Variants in C1orf56 observed in about 807,000 individuals in gnomAD.
C1orf56 encodes chromosome 1 open reading frame 56.
Under a neutral mutation model 20.7 loss-of-function variants are expected in C1orf56, and 14 were observed. The ratio of observed to expected loss-of-function variants is 0.68; its 90% CI spans 0.45 to 1.06. C1orf56 has a LOEUF of 1.06. C1orf56 is among the 50% of genes least tolerant of loss of function. The pLI is 0.00. For synonymous variants in C1orf56, 187 were observed against 194.7 expected (o/e 0.96, Z 0.33); for missense variants, 424 against 451.4 (o/e 0.94, Z 0.55).
At chr1:151,050,387 T>C in intron 1 of C1orf56, 51 bp from the exon 2 acceptor site, 1 of 1,574,024 alleles carries the variant, frequency 6.4e-7, no homozygotes, top group Non-Finnish European at 8.7e-7. Flanking sequence ...GGGAAAAGAA[T>C]ATAGATGTGG....
chr1:151,050,060 A>G (rs1676144899), intron 1 of C1orf56, among the ~76,000 whole-genome samples: 1 of 152,198 alleles, frequency 6.6e-6, no homozygotes, highest in African/African-American at 2.4e-5. Flanking sequence ...CGAGATTTAA[A>G]CCAGGTTTGA....
At position 151,050,439 on chromosome 1, in the gene C1orf56, TAGAC is replaced by T. The variant is rs761252339; in HGVS notation, c.1011_1014del (p.Asp337GlufsTer29). The T allele has an allele frequency of 5.8e-5, 93 of 1,609,100 alleles. No individual in the cohort carries two copies. The highest frequency in any genetic ancestry group is 8.9e-5 in the East Asian group (4 of 44,750). On this transcript the variant is annotated frameshift_variant and splice_region_variant, in exon 2 of 2. Coordinates refer to ENST00000368926, the MANE Select transcript of C1orf56 (RefSeq NM_017860.5). LOFTEE classifies it high-confidence loss of function. The stretch of plus-strand genomic sequence containing the variant: ...TCTCTATTTTTTTTTCTTACGCAGA[TAGAC>T]AGAAACCAGAGGTAATGGCCACTTC...
chr1:151,050,457 A>G lies in C1orf56; in HGVS notation c.1025A>G (p.Ter342=), dbSNP rs1373173400. The G allele has an allele frequency of 1.9e-6, 3 of 1,610,544 alleles. No homozygotes were observed. Among genetic ancestry groups the G allele is most frequent in the African/African-American group, 2.7e-5 (2 of 74,694 alleles). Residue 342 remains the stop codon, a stop_retained_variant, in exon 2 of 2, where the codon TAA becomes TGA. Transcript: ENST00000368926. ...ACGCAGATAGACAGAAACCAGAGGT[A>G]ATGGCCACTTCATCCACATGAGGAG... ...EMQPIDRNQR[*]
In C1orf56 at chr1:151,048,615, C is replaced by A. The variant is rs776850793; in HGVS notation, c.768C>A (p.Asn256Lys). Residue 256 changes from asparagine to lysine, a missense_variant, in exon 1 of 2, where the codon AAC (asparagine) becomes AAA (lysine). By Grantham distance (94) the Asn-to-Lys change is moderately conservative. Coordinates refer to ENST00000368926, the MANE Select transcript of C1orf56 (RefSeq NM_017860.5). The surrounding 1 kb of genome is among the most constrained non-coding windows in gnomAD (Gnocchi z 4.8). Reference sequence around the variant, plus strand: ...GCACCTATCAACAATGTCCCTGCAACCGACTTCGGGAAGAGTGCCCCCTGG... The same window carrying A: ...GCACCTATCAACAATGTCCCTGCAAACGACTTCGGGAAGAGTGCCCCCTGG... ...KPCTYQQCPC[N>K]RLREECPLDT... The A allele has an allele frequency of 1.9e-6, 3 of 1,614,266 alleles. No individual in the cohort carries two copies. In the Admixed American group the frequency reaches 5.0e-5, roughly 27 times the overall value.
rs1676156566 is a variant in C1orf56 at position 151,050,578 on chromosome 1, C to T, written c.*120C>T. ...AAAACTGGAAAACACATTGTTTGGTCTTGTGTTTCTTTACAGAGGTACCTG... is the reference window on the plus strand; with the variant it reads ...AAAACTGGAAAACACATTGTTTGGTTTTGTGTTTCTTTACAGAGGTACCTG... On this transcript the variant is annotated 3_prime_UTR_variant, in exon 2 of 2. Transcript: ENST00000368926. 6 of 1,002,570 alleles carry T rather than the reference C, an allele frequency of 6.0e-6. No homozygotes were observed. The African/African-American group carries it at 6.6e-5, about 11-fold the overall frequency. The allele number at this position is 1,002,570 out of a possible 1,614,324, so 62.1% of individuals were successfully genotyped here.
In C1orf56 at chr1:151,048,033, A is replaced by G. The variant is rs774182185; in HGVS notation, c.186A>G (p.Ile62Met). The G allele has an allele frequency of 2.5e-6, 4 of 1,614,118 alleles. No individual in the cohort carries two copies. In the East Asian group the frequency reaches 8.9e-5, roughly 36 times the overall value. Reference sequence around the variant, plus strand: ...CTGGTCTTCCCCGGAAGACAAGGATAATCCTAGAGGACGAGAATGATGCCA... The same window carrying G: ...CTGGTCTTCCCCGGAAGACAAGGATGATCCTAGAGGACGAGAATGATGCCA... The part of the protein sequence containing the change: ...ARTGLPRKTR[I>M]ILEDENDAMA... The change falls in exon 1 of 2, where the codon ATA (isoleucine) becomes ATG (methionine). Residue 62 changes from isoleucine (I) to methionine (M), a missense_variant. Transcript: ENST00000368926. This position sits in a 1 kb window ranked among gnomAD's most constrained non-coding sequence, Gnocchi z 4.8.
rs1380488698 is a variant in C1orf56, at chr1:151,048,296, T to C, written c.449T>C (p.Leu150Pro). 3.7e-6 allele frequency: 6 copies of C among 1,614,090 alleles called. No homozygotes were observed. Among genetic ancestry groups the C allele is most frequent in the Non-Finnish European group, 5.1e-6 (6 of 1,180,044 alleles). Residue 150 changes from leucine (L) to proline (P), a missense_variant, in exon 1 of 2, where the codon CTG (leucine) becomes CCG (proline). Physicochemically the swap from Leu to Pro is moderately conservative, Grantham distance 98 (BLOSUM62 -3). Transcript: ENST00000368926. The surrounding 1 kb of genome is among the most constrained non-coding windows in gnomAD (Gnocchi z 4.8). The stretch of plus-strand genomic sequence containing the variant: ...AATAGTCAGGAGCCTGAAATCAGGC[T>C]GACTTCAAGCCTGCCGCGCTCCCCC... ...IANSQEPEIRLTSSLPRSPGR... is the reference protein window; with the variant it reads ...IANSQEPEIRPTSSLPRSPGR...
At position 151,048,704 on chromosome 1, in the gene C1orf56, C is replaced by T; in HGVS notation, c.857C>T (p.Thr286Ile). ...AGCACCACCAGTACCAGGACCACCA[C>T]TACCCCCTTCCCCACCATCCACCTC... is the stretch of plus-strand genomic sequence containing the variant. ...SQSTTSTRTTTTPFPTIHLRS... is the reference protein window; with the variant it reads ...SQSTTSTRTTITPFPTIHLRS... Residue 286 changes from threonine (T) to isoleucine (I), a missense_variant, in exon 1 of 2, where the codon ACT (threonine) becomes ATT (isoleucine). Coordinates refer to ENST00000368926, the MANE Select transcript of C1orf56 (RefSeq NM_017860.5). The surrounding 1 kb of genome is among the most constrained non-coding windows in gnomAD (Gnocchi z 4.8). 5 of 1,611,466 alleles carry T rather than the reference C, an allele frequency of 3.1e-6. No individual in the cohort carries two copies. The highest frequency in any genetic ancestry group is 4.2e-6 in the Non-Finnish European group (5 of 1,178,592).
rs1676169972 is a variant in C1orf56 at position 151,051,190 on chromosome 1, A to G, written c.*732A>G. On this transcript the variant is annotated 3_prime_UTR_variant, in exon 2 of 2. Coordinates refer to ENST00000368926, the MANE Select transcript of C1orf56 (RefSeq NM_017860.5). ...AATGAGGCCGAAGATCACGGTGACC[A>G]GAGATTTCTAGGAGTCTCTAACCTT... 6.6e-6 allele frequency: 1 copy of G among 151,920 alleles called. No individual in the cohort carries two copies. The highest frequency in any genetic ancestry group is 1.5e-5 in the Non-Finnish European group (1 of 68,000). The allele number at this position is 151,920 out of a possible 1,614,324, so 9.4% of individuals were successfully genotyped here. A position where few individuals can be genotyped will look rare whatever the true frequency, so the allele number is the denominator to read the frequency against.
In C1orf56 at chr1:151,048,428, C is replaced by T; in HGVS notation, c.581C>T (p.Pro194Leu). The T allele has an allele frequency of 6.2e-7, 1 of 1,610,070 alleles. No individual in the cohort carries two copies. Among genetic ancestry groups the T allele is most frequent in the Non-Finnish European group, 8.5e-7 (1 of 1,179,984 alleles). Residue 194 changes from proline (P) to leucine (L), a missense_variant, in exon 1 of 2, where the codon CCA becomes CTA. By Grantham distance (98) the Pro-to-Leu change is moderately conservative. Coordinates refer to ENST00000368926, the MANE Select transcript of C1orf56 (RefSeq NM_017860.5). The surrounding 1 kb of genome is among the most constrained non-coding windows in gnomAD (Gnocchi z 4.8). The part of the protein sequence containing the change: ...RWPSPSPTAM[P>L]SPEDLRLVLM... ...CCGTCACCCTCACCCACAGCCATGC[C>T]ATCTCCTGAGGATCTGCGGCTGGTG...
At position 151,047,770 on chromosome 1, in the gene C1orf56, C is replaced by T. The variant is rs1202680004; in HGVS notation, c.-78C>T. ...CGGTTCAAACGACCCGGTGGGTCTA[C>T]AGCGGAAGGGAGGGAGCGAAGGTAG... On this transcript the variant is annotated 5_prime_UTR_variant, in exon 1 of 2. Coordinates refer to ENST00000368926, the MANE Select transcript of C1orf56 (RefSeq NM_017860.5). The T allele has an allele frequency of 7.0e-7, 1 of 1,438,772 alleles. No individual in the cohort carries two copies. Among genetic ancestry groups the T allele is most frequent in the African/African-American group, 1.4e-5 (1 of 69,844 alleles). The allele number at this position is 1,438,772 out of a possible 1,614,324, so 89.1% of individuals were successfully genotyped here.
Position 151,051,024 on chromosome 1 carries a change from T to TC in C1orf56, c.*568dup, listed in dbSNP as rs1676166126. 1 of 152,180 alleles carries TC rather than the reference T, an allele frequency of 6.6e-6. No homozygotes were observed. Among genetic ancestry groups the TC allele is most frequent in the East Asian group, 1.9e-4 (1 of 5,200 alleles). 9.4% of individuals were successfully genotyped at this position (152,180 alleles called of 1,614,324 possible). A position where few individuals can be genotyped will look rare whatever the true frequency, so the allele number is the denominator to read the frequency against. ...TTATTTGAAAAAATGTATTTAAAAG[T>TC]CCAACAACTTTTTAATATAAATTAC... On this transcript the variant is annotated 3_prime_UTR_variant, in exon 2 of 2. Coordinates refer to ENST00000368926, the MANE Select transcript of C1orf56 (RefSeq NM_017860.5).
rs762833017 is a variant in C1orf56, at chr1:151,048,272, A to G, written c.425A>G (p.Asn142Ser). The G allele has an allele frequency of 6.8e-6, 11 of 1,614,104 alleles. No homozygotes were observed. The African/African-American group carries it at 1.1e-4, about 16-fold the overall frequency. Residue 142 changes from asparagine (N) to serine (S), a missense_variant, in exon 1 of 2, where the codon AAT becomes AGT. By Grantham distance (46) the Asn-to-Ser change is conservative (BLOSUM62 1). Coordinates refer to ENST00000368926, the MANE Select transcript of C1orf56 (RefSeq NM_017860.5). This position sits in a 1 kb window ranked among gnomAD's most constrained non-coding sequence, Gnocchi z 4.8. ...AGSSSTRFIA[N>S]SQEPEIRLTS... ...AGTTCCAGCACGAGGTTTATAGCCA[A>G]TAGTCAGGAGCCTGAAATCAGGCTG...
In C1orf56 at chr1:151,048,087, A is replaced by G. The variant is rs778646524; in HGVS notation, c.240A>G (p.Pro80=). 17 of 1,613,066 alleles carry G rather than the reference A, an allele frequency of 1.1e-5. No individual in the cohort carries two copies. Among genetic ancestry groups the G allele is most frequent in the Non-Finnish European group, 1.4e-5 (17 of 1,179,938 alleles). Residue 80 remains proline, a synonymous_variant, in exon 1 of 2, where the codon CCA becomes CCG. Transcript: ENST00000368926. The surrounding 1 kb of genome is among the most constrained non-coding windows in gnomAD (Gnocchi z 4.8). ...CCGACGCCGACCGCCTGGCTGGACC[A>G]GCGGCTGCCGAGCTCTTGGCCGCCA... The part of the protein sequence containing the change: ...AMADADRLAG[P]AAAELLAATV...
chr1:151,048,857 G>C lies in C1orf56; in HGVS notation c.1005+5G>C, dbSNP rs1440454584. 6.5e-7 allele frequency: 1 copy of C among 1,534,356 alleles called. No homozygotes were observed. Among genetic ancestry groups the C allele is most frequent in the Non-Finnish European group, 8.8e-7 (1 of 1,139,568 alleles). The stretch of plus-strand genomic sequence containing the variant: ...GTGTTCACAGAGATGCAACCAGTAA[G>C]TGTTTGGTGATGAGCCAGGGTCTTT... On this transcript the variant is annotated splice_donor_5th_base_variant and intron_variant, in intron 1 of 1. Coordinates refer to ENST00000368926, the MANE Select transcript of C1orf56 (RefSeq NM_017860.5). This position sits in a 1 kb window ranked among gnomAD's most constrained non-coding sequence, Gnocchi z 4.8.
At position 151,048,839 on chromosome 1, in the gene C1orf56, C is replaced by A; in HGVS notation, c.992C>A (p.Thr331Lys). The A allele has an allele frequency of 6.4e-7, 1 of 1,559,050 alleles. No individual in the cohort carries two copies. The highest frequency in any genetic ancestry group is 8.7e-7 in the Non-Finnish European group (1 of 1,151,628). ...TGGAATAGCCTCTCTTCAGTGTTCA[C>A]AGAGATGCAACCAGTAAGTGTTTGG... is the stretch of plus-strand genomic sequence containing the variant. ...DIWNSLSSVF[T>K]EMQPIDRNQR is the part of the protein sequence containing the mutation. Residue 331 changes from threonine to lysine, a missense_variant, in exon 1 of 2, where the codon ACA becomes AAA. Thr to Lys is a moderately conservative substitution (Grantham distance 78, BLOSUM62 -1). Coordinates refer to ENST00000368926, the MANE Select transcript of C1orf56 (RefSeq NM_017860.5). The surrounding 1 kb of genome is among the most constrained non-coding windows in gnomAD (Gnocchi z 4.8).
intron 1 of C1orf56, 45 bp from the exon 2 acceptor site, chr1:151,050,393 T>C (rs751503331): frequency 6.9e-6 from 11 of 1,584,292 alleles, no homozygotes; most frequent in Non-Finnish European, 9.5e-6. Context: ...AGAATATAGA[T>C]GTGGTTGTAA....
Position 151,048,273 on chromosome 1 carries a change from T to A in C1orf56, c.426T>A (p.Asn142Lys). The change falls in exon 1 of 2, where the codon AAT (asparagine) becomes AAA (lysine). Residue 142 changes from asparagine to lysine, a missense_variant. Asn to Lys is a moderately conservative substitution (Grantham distance 94, BLOSUM62 0). Transcript: ENST00000368926. This position sits in a 1 kb window ranked among gnomAD's most constrained non-coding sequence, Gnocchi z 4.8. Reference protein sequence around the residue: ...AGSSSTRFIANSQEPEIRLTS... With the variant: ...AGSSSTRFIAKSQEPEIRLTS... ...GTTCCAGCACGAGGTTTATAGCCAA[T>A]AGTCAGGAGCCTGAAATCAGGCTGA... 6.2e-7 allele frequency: 1 copy of A among 1,614,208 alleles called. No homozygotes were observed. The highest frequency in any genetic ancestry group is 8.5e-7 in the Non-Finnish European group (1 of 1,180,036).
At position 151,051,117 on chromosome 1, in the gene C1orf56, G is replaced by A. The variant is rs1676168464; in HGVS notation, c.*659G>A. On this transcript the variant is annotated 3_prime_UTR_variant, in exon 2 of 2. Coordinates refer to ENST00000368926, the MANE Select transcript of C1orf56 (RefSeq NM_017860.5). Reference sequence around the variant, plus strand: ...ATACATATTAGAGAAGGTAGCTAAAGGCAAGAGAGCACCAAAGGAAAAAGA... The same window carrying A: ...ATACATATTAGAGAAGGTAGCTAAAAGCAAGAGAGCACCAAAGGAAAAAGA... 6.6e-6 allele frequency: 1 copy of A among 152,020 alleles called. No homozygotes were observed. Among genetic ancestry groups the A allele is most frequent in the African/African-American group, 2.4e-5 (1 of 41,372 alleles). The allele number at this position is 152,020 out of a possible 1,614,324, so 9.4% of individuals were successfully genotyped here.
Sources: allele counts gnomAD v4.1 joint callset (sites outside exome capture counted in the v4.1 genomes callset), GRCh38; gene constraint gnomAD v4.1.1; non-coding constraint Gnocchi (gnomAD v3.1); transcripts MANE v1.5; gene names NCBI Gene and HGNC (gene_info 2026-07-23, HGNC 2026-07-21).